Variants in RNF213 observed in about 807,000 individuals in gnomAD.
RNF213 encodes ring finger protein 213, also known as E3 ubiquitin-protein ligase RNF213.
Under a neutral mutation model 514.4 loss-of-function variants are expected in RNF213, and 341 were observed. That is an observed-to-expected ratio of 0.66 (90% CI 0.61 to 0.73). The LOEUF is 0.73. Among genes scored for constraint, RNF213 ranks in the 30% least tolerant of loss-of-function variants. RNF213 has a pLI of 0.00. For missense variants in RNF213, 5,767 were observed against 6,615.6 expected (o/e 0.87, Z 4.45); for synonymous variants, 2,655 against 2,658.2 (o/e 1.00, Z 0.04).
chr17:80,342,816 A>G (rs1309879797), intron 26 of RNF213, among the ~76,000 whole-genome samples: 1 of 150,292 alleles, frequency 6.7e-6, no homozygotes, highest in Non-Finnish European at 1.5e-5. Context: ...AACGATGACA[A>G]CTGCACCCTA....
Position 80,377,622 on chromosome 17 carries a change from A to T in RNF213, c.13511-140A>T. The T allele has an allele frequency of 1.1e-6, 1 of 897,268 alleles. No individual in the cohort carries two copies. The allele number at this position is 897,268 out of a possible 1,614,324, so 55.6% of individuals were successfully genotyped here. The stretch of plus-strand genomic sequence containing the variant: ...GCTTCAGGCAGGTGTCATGTAACTT[A>T]ACAAATTAGCGTGGGATGCTCTGGA... On this transcript the variant is annotated intron_variant, in intron 53 of 67. Transcript: ENST00000582970. The surrounding 1 kb of genome is among the most constrained non-coding windows in gnomAD (Gnocchi z 4.1).
chr17:80,343,469 A>AACACACTTCTCAG lies in RNF213; in HGVS notation c.6183+145_6183+146insCACACTTCTCAGA. ...CTTAACAGTGGGAATGTGCTCTGAG[A>AACACACTTCTCAG]AGTGTGTTGTCAGGCAGTTTCCTCC... On this transcript the variant is annotated intron_variant, in intron 27 of 67. Transcript: ENST00000582970. The surrounding 1 kb of genome is among the most constrained non-coding windows in gnomAD (Gnocchi z 4.3). The AACACACTTCTCAG allele has an allele frequency of 1.2e-6, 1 of 827,214 alleles. No individual in the cohort carries two copies. Among genetic ancestry groups the AACACACTTCTCAG allele is most frequent in the Non-Finnish European group, 2.0e-6 (1 of 502,582 alleles). The allele number at this position is 827,214 out of a possible 1,614,324, so 51.2% of individuals were successfully genotyped here. A position where few individuals can be genotyped will look rare whatever the true frequency, so the allele number is the denominator to read the frequency against.
At position 80,306,361 on chromosome 17, in the gene RNF213, A is replaced by G. The variant is rs774262157; in HGVS notation, c.2320A>G (p.Met774Val). ...LLPLSHLVMY[M>V]ENFIEHLGRF... ...ACCTCTGAGTCACCTGGTTATGTATATGGAAAACTTCATTGAGCACCTGGG... is the reference window on the plus strand; with the variant it reads ...ACCTCTGAGTCACCTGGTTATGTATGTGGAAAACTTCATTGAGCACCTGGG... The change falls in exon 12 of 68, where the codon ATG becomes GTG. Residue 774 changes from methionine (M) to valine (V), a missense_variant. By Grantham distance (21) the Met-to-Val change is conservative. Transcript: ENST00000582970. 1.2e-6 allele frequency: 2 copies of G among 1,614,104 alleles called. No individual in the cohort carries two copies. The highest frequency in any genetic ancestry group is 1.7e-5 in the Admixed American group (1 of 60,008).
Position 80,309,074 on chromosome 17 carries a change from A to C in RNF213, c.2558A>C (p.Glu853Ala), listed in dbSNP as rs1251143581. 2 of 1,614,178 alleles carry C rather than the reference A, an allele frequency of 1.2e-6. No homozygotes were observed. The highest frequency in any genetic ancestry group is 2.2e-5 in the South Asian group (2 of 91,080). ...CTGACTGTGTGTCTGAAACTGCATG[A>C]AGCCATCTGCAGCAGCACAAAGCTA... ...SYLTVCLKLH[E>A]AICSSTKLLK... Residue 853 changes from glutamate to alanine, a missense_variant, in exon 14 of 68, where the codon GAA (glutamate) becomes GCA (alanine). Glu to Ala is a moderately radical substitution (Grantham distance 107). Transcript: ENST00000582970.
In RNF213 at chr17:80,332,033, A is replaced by T; in HGVS notation, c.3545A>T (p.His1182Leu). Residue 1182 changes from histidine to leucine, a missense_variant, in exon 21 of 68, where the codon CAC becomes CTC. By Grantham distance (99) the His-to-Leu change is moderately conservative. This residue lies in a region of RNF213 where 516 missense variants were observed against 566.5 expected (regional missense o/e 0.91). Coordinates refer to ENST00000582970, the MANE Select transcript of RNF213 (RefSeq NM_001256071.3). ...QVDFGVLAVR[H>L]SQDLSSKRLN... ...GACTTTGGAGTGCTTGCAGTAAGACACTCACAAGACCTCAGCAGTAAAAGA... is the reference window on the plus strand; with the variant it reads ...GACTTTGGAGTGCTTGCAGTAAGACTCTCACAAGACCTCAGCAGTAAAAGA... The T allele has an allele frequency of 6.5e-7, 1 of 1,536,792 alleles. No individual in the cohort carries two copies. Among genetic ancestry groups the T allele is most frequent in the Non-Finnish European group, 8.7e-7 (1 of 1,146,678 alleles).
intron 2 of RNF213, among the ~76,000 whole-genome samples, chr17:80,265,481 ACT>A: frequency 6.6e-6 from 1 of 152,160 alleles, no homozygotes; most frequent in South Asian, 2.1e-4. Flanking sequence ...GAATTTGGTG[ACT>A]CTGTACATGA....
chr17:80,336,031 C>T, intron 22 of RNF213, 130 bp from the exon 23 acceptor site: 1 of 717,938 alleles, frequency 1.4e-6, no homozygotes, highest in Non-Finnish European at 2.2e-6. Context: ...TTACTGAAAG[C>T]AGAAAGTGGA....
At chr17:80,279,022 G>T (rs1352555864) in intron 3 of RNF213, 6 of 1,431,878 alleles carry the variant, frequency 4.2e-6, no homozygotes, top group Non-Finnish European at 5.6e-6. Flanking sequence ...AGTCGAGGAA[G>T]GCTGCCCAGG....
intron 43 of RNF213, 34 bp from the exon 44 acceptor site, chr17:80,367,927 T>C: frequency 6.2e-7 from 1 of 1,614,192 alleles, no homozygotes; most frequent in Non-Finnish European, 8.5e-7. Flanking sequence ...CCAGTTTCTC[T>C]GCTTCAGAAC....
At chr17:80,379,379 G>A (rs922038024) in intron 54 of RNF213, 1 of 538,804 alleles carries the variant, frequency 1.9e-6, no homozygotes, top group Non-Finnish European at 3.4e-6. Context: ...TGTCACTCTG[G>A]GAATAAAGCT....
At chr17:80,384,372 G>A (rs552921423) in intron 59 of RNF213, among the ~76,000 whole-genome samples, 1 of 152,340 alleles carries the variant, frequency 6.6e-6, no homozygotes, top group Admixed American at 6.5e-5. Flanking sequence ...CGGTGCTGGG[G>A]TACTGGGGAG....
chr17:80,337,503 A>C, intron 23 of RNF213, 83 bp from the exon 24 acceptor site: 4 of 1,492,894 alleles, frequency 2.7e-6, no homozygotes, highest in Non-Finnish European at 3.6e-6. Context: ...AGCGAGGCAG[A>C]GGCGGGAGGC....
In RNF213 at chr17:80,328,382, A is replaced by G. The variant is rs1285846205; in HGVS notation, c.3422A>G (p.Asp1141Gly). 2 of 1,537,090 alleles carry G rather than the reference A, an allele frequency of 1.3e-6. No individual in the cohort carries two copies. The highest frequency in any genetic ancestry group is 1.7e-6 in the Non-Finnish European group (2 of 1,146,886). ...CAATGTGCTGTGGAGGAAGCACTGG[A>G]TTGGAGAAGGGAGGAACTGTTACTT... Reference protein sequence around the residue: ...DEQCAVEEALDWRREELLLLK... With the variant: ...DEQCAVEEALGWRREELLLLK... The change falls in exon 20 of 68, where the codon GAT becomes GGT. Residue 1141 changes from aspartate (D) to glycine (G), a missense_variant. Around this residue, in one of 13 missense-constraint regions of RNF213, gnomAD observed 516 missense variants for 566.5 expected, o/e 0.91. Transcript: ENST00000582970.
At chr17:80,294,658 T>C (rs2143382122) in intron 8 of RNF213, 62 bp from the exon 9 acceptor site, 1 of 1,584,922 alleles carries the variant, frequency 6.3e-7, no homozygotes, top group Non-Finnish European at 8.7e-7. Flanking sequence ...TCTAGGCTAG[T>C]GTCTAGGTCT....
chr17:80,344,778 G>T lies in RNF213; in HGVS notation c.6443G>T (p.Ser2148Ile). The change falls in exon 29 of 68, where the codon AGT becomes ATT. Residue 2148 changes from serine (S) to isoleucine (I), a missense_variant. This residue lies in a region of RNF213 where 1,377 missense variants were observed against 1,635.2 expected (regional missense o/e 0.84). Transcript: ENST00000582970. Reference sequence around the variant, plus strand: ...GACATGGAGCTGAGTGCCCTGAGGAGTGACACAGAGCCTGGGATGGATCTG... The same window carrying T: ...GACATGGAGCTGAGTGCCCTGAGGATTGACACAGAGCCTGGGATGGATCTG... ...VIDMELSALR[S>I]DTEPGMDLWE... 1 of 1,614,204 alleles carries T rather than the reference G, an allele frequency of 6.2e-7. No individual in the cohort carries two copies. The highest frequency in any genetic ancestry group is 8.5e-7 in the Non-Finnish European group (1 of 1,180,040).
At chr17:80,296,870 C>T (rs943816479) in intron 10 of RNF213, among the ~76,000 whole-genome samples, 1 of 151,790 alleles carries the variant, frequency 6.6e-6, no homozygotes, top group African/African-American at 2.4e-5. Flanking sequence ...ATTGTAGAGA[C>T]GGGGTTTCAC....
At chr17:80,364,411 G>A (rs746340637) in intron 41 of RNF213, 22 bp from the exon 42 acceptor site, 7 of 1,613,918 alleles carry the variant, frequency 4.3e-6, no homozygotes, top group East Asian at 2.2e-5. Flanking sequence ...GTGAGTGAGT[G>A]AGTGGCGCCC....
chr17:80,308,680 T>A (rs909787023), intron 13 of RNF213, among the ~76,000 whole-genome samples: 4 of 152,186 alleles, frequency 2.6e-5, no homozygotes, highest in African/African-American at 9.7e-5. Context: ...CCTTTCTGTT[T>A]CTTTCTGAAT....
intron 40 of RNF213, 106 bp downstream of exon 40, chr17:80,363,420 C>A: frequency 2.4e-6 from 3 of 1,272,248 alleles, no homozygotes; most frequent in Non-Finnish European, 3.4e-6. Context: ...GATTTCTTCA[C>A]AAGGCACATA....
Sources: gnomAD v4.1 joint callset for allele counts (sites outside exome capture counted in the v4.1 genomes callset) on GRCh38, gnomAD v4.1.1 for gene constraint, gnomAD v4.1.1 regional missense constraint, Gnocchi (gnomAD v3.1) non-coding constraint, MANE v1.5 for transcripts, NCBI Gene and HGNC (gene_info 2026-07-23, HGNC 2026-07-21) for gene names.